Variants in EFCAB8 observed in about 807,000 individuals in gnomAD.
EFCAB8 encodes EF-hand calcium binding domain 8, also known as EF-hand calcium-binding domain-containing protein 8.
In EFCAB8, 100 loss-of-function variants were observed where a neutral mutation model predicts 116.3. The observed-to-expected ratio is 0.86, with a 90% CI of 0.73 to 1.02. EFCAB8 has a LOEUF of 1.02. Among genes scored for constraint, EFCAB8 ranks in the 50% least tolerant of loss-of-function variants. The probability of loss-of-function intolerance (pLI) is 0.00; values close to 1 mark genes in which losing one functional copy is unlikely to be tolerated. For missense variants in EFCAB8, 1,320 were observed against 1,416.9 expected, an observed-to-expected ratio of 0.93 and a Z score of 1.10; for synonymous variants, 558 against 567.9, an observed-to-expected ratio of 0.98 and a Z score of 0.25.
rs925288947 is a variant in EFCAB8 at position 32,931,395 on chromosome 20, A to G, written c.2790+59A>G. ...TGCCTTTGAGCCCCACAAATGAGCTAGGACCATAAACTAACTCATACCCAA... is the reference window on the plus strand; with the variant it reads ...TGCCTTTGAGCCCCACAAATGAGCTGGGACCATAAACTAACTCATACCCAA... On this transcript the variant is annotated intron_variant, in intron 22 of 26. Transcript: ENST00000400522. 6 of 1,459,062 alleles carry G rather than the reference A, an allele frequency of 4.1e-6. No homozygotes were observed. In the African/African-American group the frequency reaches 8.6e-5, roughly 21 times the overall value. 90.4% of individuals were successfully genotyped at this position (1,459,062 alleles called of 1,614,324 possible). A position where few individuals can be genotyped will look rare whatever the true frequency, so the allele number is the denominator to read the frequency against.
intron 1 of EFCAB8, among the ~76,000 whole-genome samples, chr20:32,860,463 G>A (rs1053139958): frequency 7.4e-6 from 1 of 135,948 alleles, no homozygotes; most frequent in African/African-American, 3.0e-5. Flanking sequence ...TGTGATGGAT[G>A]TCATTTTGTT....
At chr20:32,887,377 A>G (rs2146204793) in intron 6 of EFCAB8, among the ~76,000 whole-genome samples, 1 of 152,236 alleles carries the variant, frequency 6.6e-6, no homozygotes, top group East Asian at 1.9e-4. Flanking sequence ...GGAGTTTGAG[A>G]CCAGACTGGC....
chr20:32,917,588 A>T, intron 18 of EFCAB8, 83 bp downstream of exon 18: 1 of 1,406,234 alleles, frequency 7.1e-7, no homozygotes, highest in Non-Finnish European at 9.7e-7. Context: ...GGTGGGGAGC[A>T]CCCTGGGAAG....
At chr20:32,890,474 T>C (rs1279785311) in intron 7 of EFCAB8, among the ~76,000 whole-genome samples, 1 of 138,924 alleles carries the variant, frequency 7.2e-6, no homozygotes, top group African/African-American at 2.7e-5. Flanking sequence ...GTTTAGCACA[T>C]GTCTCCTCCT....
chr20:32,867,785 C>G, intron 3 of EFCAB8, 38 bp downstream of exon 3: 1 of 1,544,068 alleles, frequency 6.5e-7, no homozygotes, highest in Non-Finnish European at 8.7e-7. Context: ...TGTGTGAGTT[C>G]TGCAACAGGG....
chr20:32,878,669 A>G, intron 4 of EFCAB8, 35 bp from the exon 5 acceptor site: 1 of 1,530,568 alleles, frequency 6.5e-7, no homozygotes, highest in Non-Finnish European at 8.9e-7. Flanking sequence ...CATTTTGCCA[A>G]TACCCTGCCT....
intron 6 of EFCAB8, among the ~76,000 whole-genome samples, chr20:32,886,576 T>A (rs1985642253): frequency 6.6e-6 from 1 of 152,112 alleles, no homozygotes; most frequent in South Asian, 2.1e-4. Context: ...TGGGGTCCCA[T>A]GGCTCTCCTT....
chr20:32,863,961 C>T (rs558750203), intron 2 of EFCAB8, 127 bp downstream of exon 2: 4 of 1,061,520 alleles, frequency 3.8e-6, no homozygotes, highest in African/African-American at 3.3e-5. Flanking sequence ...CAGATATTTA[C>T]TGGGCAGGTA....
At chr20:32,909,656 G>T (rs978503643) in intron 14 of EFCAB8, among the ~76,000 whole-genome samples, 165 bp from the exon 15 acceptor site, 1 of 152,108 alleles carries the variant, frequency 6.6e-6, no homozygotes. Flanking sequence ...TAGGGTGGGG[G>T]TATCTGCAGG....
chr20:32,861,702 C>T (rs11698849), intron 1 of EFCAB8, among the ~76,000 whole-genome samples: 10,156 of 152,218 alleles, frequency 0.067, 395 homozygotes, highest in Middle Eastern at 0.092. Context: ...AGTGCAAAAC[C>T]AGCCTGGGCA....
At chr20:32,936,979 A>G (rs1988143910) in intron 22 of EFCAB8, among the ~76,000 whole-genome samples, 1 of 152,126 alleles carries the variant, frequency 6.6e-6, no homozygotes, top group Non-Finnish European at 1.5e-5. Context: ...TTCTTAAACA[A>G]TGTTTTAGTT....
chr20:32,921,279 AACTCCTGGGCTGAAGGG>A (rs1318684643), intron 20 of EFCAB8, among the ~76,000 whole-genome samples: 1 of 151,760 alleles, frequency 6.6e-6, no homozygotes, highest in Non-Finnish European at 1.5e-5. Flanking sequence ...TTACAGCCTC[AACTCCTGGGCTGAAGGG>A]ACCCTCCCAC....
intron 23 of EFCAB8, among the ~76,000 whole-genome samples, chr20:32,952,449 A>T (rs113529742): frequency 0.033 from 4,974 of 152,242 alleles, 300 homozygotes; most frequent in African/African-American, 0.11. Context: ...TATGAGACAA[A>T]ATTTAAATTT....
rs1157178113 is a variant in EFCAB8, at chr20:32,930,585, T to G, written c.2600T>G (p.Leu867Arg). ...GCCACTGATAAAAATGACTGGATCC[T>G]CATCACGGGGGATTGTAAAGGATAC... ...AMATDKNDWI[L>R]ITGDCKGYIK... Residue 867 changes from leucine to arginine, a missense_variant, in exon 21 of 27, where the codon CTC becomes CGC. By Grantham distance (102) the Leu-to-Arg change is moderately radical. Transcript: ENST00000400522. 1 of 1,551,970 alleles carries G rather than the reference T, an allele frequency of 6.4e-7. No individual in the cohort carries two copies. The highest frequency in any genetic ancestry group is 1.4e-5 in the African/African-American group (1 of 73,012).
chr20:32,876,333 A>G (rs1175547319), intron 4 of EFCAB8, among the ~76,000 whole-genome samples: 1 of 152,038 alleles, frequency 6.6e-6, no homozygotes, highest in Admixed American at 6.6e-5. Context: ...GTGCCCACCA[A>G]CCTCCCATTT....
rs62208905 is a variant in EFCAB8 at position 32,893,032 on chromosome 20, G to A, written c.759-142G>A. 8.6e-3 allele frequency: 8,113 copies of A among 943,532 alleles called. 40 individuals carry two copies. The highest frequency in any genetic ancestry group is 9.6e-3 in the Non-Finnish European group (6,194 of 643,348). 58.4% of individuals were successfully genotyped at this position (943,532 alleles called of 1,614,324 possible). Reference sequence around the variant, plus strand: ...ATTTTTGTATTTTTAGTAGAGATGAGGTTTCACCACGTTGGCCAGGCTGGT... The same window carrying A: ...ATTTTTGTATTTTTAGTAGAGATGAAGTTTCACCACGTTGGCCAGGCTGGT... On this transcript the variant is annotated intron_variant, in intron 8 of 26. Transcript: ENST00000400522.
intron 17 of EFCAB8, among the ~76,000 whole-genome samples, chr20:32,914,949 A>G (rs1188951482): frequency 6.6e-6 from 1 of 151,558 alleles, no homozygotes; most frequent in Admixed American, 6.6e-5. Flanking sequence ...CCCAGGCTGG[A>G]CTGTAGTCAT....
intron 1 of EFCAB8, among the ~76,000 whole-genome samples, chr20:32,861,589 G>A (rs1454645224): frequency 2.6e-5 from 4 of 152,090 alleles, no homozygotes; most frequent in Non-Finnish European, 4.4e-5. Flanking sequence ...GCGCCTAGCC[G>A]TTGAAACACA....
chr20:32,959,344 C>T (rs576480575), intron 24 of EFCAB8, among the ~76,000 whole-genome samples: 6 of 152,306 alleles, frequency 3.9e-5, no homozygotes, highest in South Asian at 4.1e-4. Flanking sequence ...TGGGTTTTGA[C>T]ATTTAAGTAG....
Sources: allele counts gnomAD v4.1 joint callset (sites outside exome capture counted in the v4.1 genomes callset), GRCh38; gene constraint gnomAD v4.1.1; transcripts MANE v1.5; gene names NCBI Gene and HGNC (gene_info 2026-07-23, HGNC 2026-07-21).